DGKK: variants seen among roughly 807,000 people sequenced by gnomAD.
The protein encoded by DGKK is diacylglycerol kinase kappa.
In DGKK, 35 loss-of-function variants were observed where a neutral mutation model predicts 92.2. The observed-to-expected ratio is 0.38, with a 90% CI of 0.29 to 0.50. The LOEUF is 0.50. Among genes scored for constraint, DGKK ranks in the 20% least tolerant of loss-of-function variants. DGKK has a pLI of 0.92. For synonymous variants in DGKK, 368 were observed against 360.6 expected, an observed-to-expected ratio of 1.02 and a Z score of -0.23; for missense variants, 910 against 992.2, an observed-to-expected ratio of 0.92 and a Z score of 1.11.
intron 1 of DGKK, among the ~76,000 whole-genome samples, chrX:50,447,959 A>C (rs1926408334): frequency 9.0e-6 from 1 of 111,379 alleles, no homozygotes; most frequent in African/African-American, 3.3e-5. Context: ...ACCTCCAGAT[A>C]AATGTGGTGG....
intron 13 of DGKK, among the ~76,000 whole-genome samples, chrX:50,387,861 T>C (rs1924589577): frequency 8.9e-6 from 1 of 111,883 alleles, no homozygotes; most frequent in Non-Finnish European, 1.9e-5. Flanking sequence ...TAGTTCAGTG[T>C]CACACCACTT....
intron 24 of DGKK, 101 bp from the exon 25 acceptor site, chrX:50,375,158 G>A (rs371951797): frequency 5.1e-6 from 3 of 589,159 alleles, no homozygotes. Context: ...GTAGAAGCAG[G>A]CTAGTAGGAT....
intron 26 of DGKK, 55 bp from the exon 27 acceptor site, chrX:50,370,604 A>G (rs1924098549): frequency 2.7e-6 from 3 of 1,127,644 alleles, no homozygotes; most frequent in Non-Finnish European, 3.5e-6. Flanking sequence ...TTCAAAGATA[A>G]TTGCTGGAGT....
At position 50,367,311 on chromosome X, in the gene DGKK, G is replaced by A. The variant is rs1923997171; in HGVS notation, c.*1629C>T. 1 of 111,754 alleles carries A rather than the reference G, an allele frequency of 8.9e-6. No homozygotes were observed. Among genetic ancestry groups the A allele is most frequent in the South Asian group, 3.8e-4 (1 of 2,614 alleles). 9.2% of individuals were successfully genotyped at this position (111,754 alleles called of 1,213,427 possible). On this transcript the variant is annotated 3_prime_UTR_variant, in exon 28 of 28. Transcript: ENST00000611977. ...GTGAAGATGCAAGGCTGACCAGAGAGAACCTCTCTGGGCATTGGGGTTTGA... is the reference window on the plus strand; with the variant it reads ...GTGAAGATGCAAGGCTGACCAGAGAAAACCTCTCTGGGCATTGGGGTTTGA...
intron 11 of DGKK, 50 bp downstream of exon 11, chrX:50,391,387 G>T (rs1486405260): frequency 5.9e-6 from 7 of 1,192,621 alleles, no homozygotes; most frequent in African/African-American, 3.5e-5. Flanking sequence ...GATGATGTGA[G>T]TGATGTGGGA....
chrX:50,396,536 A>G (rs1444853414), intron 8 of DGKK, among the ~76,000 whole-genome samples: 2 of 112,275 alleles, frequency 1.8e-5, no homozygotes, highest in Non-Finnish European at 3.8e-5. Context: ...GAGGGTGTAA[A>G]CTAGAGTGAG....
At chrX:50,438,991 A>G (rs1926103515) in intron 1 of DGKK, among the ~76,000 whole-genome samples, 1 of 111,723 alleles carries the variant, frequency 9.0e-6, no homozygotes, top group African/African-American at 3.2e-5. Flanking sequence ...CTCTCTGGGT[A>G]AATCACAAAT....
Position 50,401,041 on chromosome X carries a change from G to A in DGKK, c.1407C>T (p.Gly469=). Residue 469 remains glycine (G), a synonymous_variant, in exon 8 of 28, where the codon GGC becomes GGT. Coordinates refer to ENST00000611977, the MANE Select transcript of DGKK (RefSeq NM_001013742.4). ...IPPTALSDPK[G]DGQLVVSSDF... is the part of the protein sequence containing the mutation. Reference sequence around the variant, plus strand: ...GGTTAAGATTTAACTACTCACCATCGCCTTTGGGGTCGCTTAGAGCAGTGG... The same window carrying A: ...GGTTAAGATTTAACTACTCACCATCACCTTTGGGGTCGCTTAGAGCAGTGG... 2 of 1,195,131 alleles carry A rather than the reference G, an allele frequency of 1.7e-6. No individual in the cohort carries two copies. The highest frequency in any genetic ancestry group is 2.3e-6 in the Non-Finnish European group (2 of 886,325).
rs782046922 is a variant in DGKK, at chrX:50,470,446, T to C, written c.233A>G (p.Tyr78Cys). ...GGCTGGTTCTGGGGTCGGTTCTGTG[T>C]ACAGTTCTGTGGCTGATTCTGAGGT... ...EATSESATEL[Y>C]TEPTPEPATE... The change falls in exon 1 of 28, where the codon TAC (tyrosine) becomes TGC (cysteine). Residue 78 changes from tyrosine (Y) to cysteine (C), a missense_variant. Transcript: ENST00000611977. The C allele has an allele frequency of 4.9e-6, 6 of 1,212,123 alleles. No homozygotes were observed. Among genetic ancestry groups the C allele is most frequent in the Non-Finnish European group, 6.7e-6 (6 of 895,470 alleles).
At chrX:50,410,857 T>C (rs1249248073) in intron 4 of DGKK, among the ~76,000 whole-genome samples, 2 of 111,465 alleles carry the variant, frequency 1.8e-5, no homozygotes, top group African/African-American at 6.5e-5. Context: ...TCAAAGGAAG[T>C]CCACTCCTGT....
chrX:50,423,999 C>G (rs1925670066), intron 2 of DGKK, among the ~76,000 whole-genome samples: 1 of 110,978 alleles, frequency 9.0e-6, no homozygotes, highest in South Asian at 3.8e-4. Flanking sequence ...GCACTGGATC[C>G]CCAAAATTAT....
intron 1 of DGKK, among the ~76,000 whole-genome samples, chrX:50,457,048 G>T (rs1315703915): frequency 8.9e-6 from 1 of 111,884 alleles, no homozygotes; most frequent in Non-Finnish European, 1.9e-5. Context: ...GTCCACCAAA[G>T]TGAGGTGACT....
rs1923990596 is a variant in DGKK, at chrX:50,367,037, C to G, written c.*1903G>C. On this transcript the variant is annotated 3_prime_UTR_variant, in exon 28 of 28. Coordinates refer to ENST00000611977, the MANE Select transcript of DGKK (RefSeq NM_001013742.4). ...CAATCAGACATTTGGGGACTATCCC[C>G]TTGTTAATATTTTTCTCCTCACCCC... is the stretch of plus-strand genomic sequence containing the variant. 2 of 112,302 alleles carry G rather than the reference C, an allele frequency of 1.8e-5. No individual in the cohort carries two copies. The highest frequency in any genetic ancestry group is 1.9e-4 in the Admixed American group (2 of 10,609). 9.3% of individuals were successfully genotyped at this position (112,302 alleles called of 1,213,427 possible).
Position 50,462,882 on chromosome X carries a change from CTTTTTTTTTTTTTTTTTT to C in DGKK, c.645+7134_645+7151del, listed in dbSNP as rs548003185. 2.9e-3 allele frequency among the ~76,000 whole-genome samples: 46 copies of C among 15,790 alleles called. No homozygotes were observed. The East Asian group carries it at 0.036, about 12-fold the overall frequency. 13.7% of individuals were successfully genotyped at this position (15,790 alleles called of 115,157 possible). On this transcript the variant is annotated intron_variant, in intron 1 of 27. Coordinates refer to ENST00000611977, the MANE Select transcript of DGKK (RefSeq NM_001013742.4). ...GAAAGATTTTCTTTTCCTTTCCTTG[CTTTTTTTTTTTTTTTTTT>C]TTTTTTTTTTTTTTTTAATGAAACA...
At chrX:50,425,211 A>G (rs17328236) in intron 1 of DGKK, among the ~76,000 whole-genome samples, 19,764 of 111,217 alleles carry the variant, frequency 0.18, 1,753 homozygotes, top group Middle Eastern at 0.31. Flanking sequence ...CATGAATTCT[A>G]TCATCTAAAT....
intron 1 of DGKK, among the ~76,000 whole-genome samples, chrX:50,447,301 C>T (rs1238318606): frequency 1.1e-4 from 6 of 55,122 alleles, no homozygotes; most frequent in South Asian, 1.1e-3. Flanking sequence ...TTAATGTCTA[C>T]GAGAAGTAGT....
chrX:50,370,385 G>C, intron 27 of DGKK, 41 bp downstream of exon 27: 2 of 1,165,587 alleles, frequency 1.7e-6, no homozygotes, highest in Non-Finnish European at 2.3e-6. Flanking sequence ...AGGCTGTTGG[G>C]GGAAGTCTTC....
chrX:50,442,533 T>C (rs1926194603), intron 1 of DGKK, among the ~76,000 whole-genome samples: 1 of 111,195 alleles, frequency 9.0e-6, no homozygotes, highest in African/African-American at 3.3e-5. Context: ...CTTTTTGACC[T>C]CTCTCCGTCT....
chrX:50,436,726 C>CT (rs1242739148), intron 1 of DGKK, among the ~76,000 whole-genome samples: 21 of 103,661 alleles, frequency 2.0e-4, no homozygotes, highest in East Asian at 9.1e-4. Flanking sequence ...TGCTATTGGC[C>CT]TTTTTTTTTT....
Sources: allele counts gnomAD v4.1 joint callset (sites outside exome capture counted in the v4.1 genomes callset), GRCh38; gene constraint gnomAD v4.1.1; transcripts MANE v1.5; gene names NCBI Gene and HGNC (gene_info 2026-07-23, HGNC 2026-07-21).